Variants in RSU1 observed in about 807,000 individuals in gnomAD.
RSU1 encodes Ras suppressor protein 1.
A neutral mutation model predicts 31.1 loss-of-function variants in RSU1; 26 were observed. The ratio of observed to expected loss-of-function variants is 0.84; its 90% CI spans 0.61 to 1.16. RSU1 has a LOEUF of 1.16. Ranked by LOEUF, RSU1 falls within the 50% of genes most tolerant of loss-of-function variation. RSU1 has a pLI of 0.00. For synonymous variants in RSU1, 164 were observed against 136.3 expected (o/e 1.20, Z -1.41); for missense variants, 320 against 339.1 (o/e 0.94, Z 0.44).
chr10:16,638,945 C>A (rs187233830), intron 8 of RSU1, among the ~76,000 whole-genome samples: 1 of 152,300 alleles, frequency 6.6e-6, no homozygotes, highest in Admixed American at 6.5e-5. Flanking sequence ...CTTTGTAAAA[C>A]CCAGACTTGG....
intron 2 of RSU1, among the ~76,000 whole-genome samples, chr10:16,784,889 C>A (rs1239858898): frequency 6.6e-6 from 1 of 152,144 alleles, no homozygotes; most frequent in East Asian, 1.9e-4. Flanking sequence ...GGGACACAGC[C>A]AAACCATATC....
intron 7 of RSU1, among the ~76,000 whole-genome samples, chr10:16,741,727 A>C (rs1467032323): frequency 6.6e-6 from 1 of 152,192 alleles, no homozygotes; most frequent in Non-Finnish European, 1.5e-5. Context: ...TAATTTTCTA[A>C]GATCACCTTG....
At chr10:16,649,661 C>A (rs778450237) in intron 8 of RSU1, among the ~76,000 whole-genome samples, 2 of 152,074 alleles carry the variant, frequency 1.3e-5, no homozygotes, top group Admixed American at 6.6e-5. Context: ...AGGGGGCACA[C>A]GGCACAACAG....
chr10:16,772,112 G>T (rs17156926), intron 3 of RSU1, among the ~76,000 whole-genome samples: 2 of 152,038 alleles, frequency 1.3e-5, no homozygotes, highest in Admixed American at 6.5e-5. Context: ...TTAACTCACC[G>T]CAAAACAATG....
intron 3 of RSU1, among the ~76,000 whole-genome samples, chr10:16,772,403 G>T (rs1837439070): frequency 6.6e-6 from 1 of 152,062 alleles, no homozygotes; most frequent in Non-Finnish European, 1.5e-5. Context: ...CTGAAATCTT[G>T]CAGGAACACC....
rs533253230 is a variant in RSU1, at chr10:16,628,234, A to G, written c.732-34738T>C. ...AACATGATCCTAGAAGTTAGGGTGG[A>G]TAGTTTTGAACATTCTTGCAACACT... On this transcript the variant is annotated intron_variant, in intron 8 of 8. Coordinates refer to ENST00000345264, the MANE Select transcript of RSU1 (RefSeq NM_012425.4). Among the ~76,000 whole-genome samples, 6 of 152,352 alleles carry G rather than the reference A, an allele frequency of 3.9e-5. No homozygotes were observed. In the South Asian group the frequency reaches 6.2e-4, roughly 16 times the overall value.
At chr10:16,735,005 AATC>A (rs1412572953) in intron 7 of RSU1, among the ~76,000 whole-genome samples, 4 of 152,164 alleles carry the variant, frequency 2.6e-5, no homozygotes, top group Non-Finnish European at 5.9e-5. Context: ...GTCTAGAAAA[AATC>A]ATTCCCTTAA....
chr10:16,767,578 T>C (rs1196866447), intron 3 of RSU1, among the ~76,000 whole-genome samples: 5 of 152,182 alleles, frequency 3.3e-5, no homozygotes, highest in African/African-American at 1.2e-4. Context: ...AATACACAGC[T>C]AATAGTCTCC....
Position 16,593,413 on chromosome 10 carries a change from A to G in RSU1, c.815T>C (p.Leu272Pro). The G allele has an allele frequency of 2.5e-6, 4 of 1,614,112 alleles. No homozygotes were observed. The highest frequency in any genetic ancestry group is 3.4e-6 in the Non-Finnish European group (4 of 1,180,008). ...DKSKKISRKP[L>P]AAKNR ...CCTTCCTTATCTGTTCTTGGCTGCC[A>G]GGGGTTTCCGGCTGATCTTTTTCGA... Residue 272 changes from leucine to proline, a missense_variant, in exon 9 of 9, where the codon CTG becomes CCG. Coordinates refer to ENST00000345264, the MANE Select transcript of RSU1 (RefSeq NM_012425.4).
intron 8 of RSU1, among the ~76,000 whole-genome samples, chr10:16,597,726 C>T (rs570839664): frequency 5.1e-4 from 77 of 152,294 alleles, no homozygotes; most frequent in African/African-American, 1.8e-3. Flanking sequence ...TGCAAAATAA[C>T]AGGGTATTTT....
At chr10:16,658,306 A>G (rs1834827315) in intron 8 of RSU1, among the ~76,000 whole-genome samples, 1 of 152,230 alleles carries the variant, frequency 6.6e-6, no homozygotes, top group South Asian at 2.1e-4. Flanking sequence ...ATGAAGATAA[A>G]CAAAACTGGT....
intron 7 of RSU1, chr10:16,723,137 G>A (rs989270836): frequency 6.6e-6 from 1 of 151,882 alleles, no homozygotes; most frequent in Non-Finnish European, 1.5e-5. Context: ...TGAGCTGGGA[G>A]AGCAAAGTCC....
intron 7 of RSU1, among the ~76,000 whole-genome samples, chr10:16,717,846 G>A (rs907086547): frequency 2.0e-5 from 3 of 152,034 alleles, no homozygotes; most frequent in East Asian, 1.9e-4. Flanking sequence ...CAAAAAAAAC[G>A]CATTACTATA....
chr10:16,739,244 A>C (rs914039189), intron 7 of RSU1, among the ~76,000 whole-genome samples: 1 of 151,986 alleles, frequency 6.6e-6, no homozygotes, highest in Non-Finnish European at 1.5e-5. Context: ...GGATTGCTGG[A>C]TCAAATGGTA....
chr10:16,697,327 T>C (rs1459360105), intron 7 of RSU1, among the ~76,000 whole-genome samples: 1 of 152,102 alleles, frequency 6.6e-6, no homozygotes, highest in East Asian at 1.9e-4. Flanking sequence ...ATGAATCAAC[T>C]ATGAAAAAAA....
At chr10:16,621,990 C>T (rs1405223587) in intron 8 of RSU1, among the ~76,000 whole-genome samples, 1 of 152,166 alleles carries the variant, frequency 6.6e-6, no homozygotes, top group African/African-American at 2.4e-5. Flanking sequence ...TATAACAATA[C>T]AGGTGCCTTG....
At chr10:16,719,848 C>T (rs2131588675) in intron 7 of RSU1, among the ~76,000 whole-genome samples, 1 of 152,332 alleles carries the variant, frequency 6.6e-6, no homozygotes, top group South Asian at 2.1e-4. Context: ...AAAATGTTTG[C>T]CTTAAATGAA....
intron 3 of RSU1, among the ~76,000 whole-genome samples, chr10:16,767,914 A>G (rs1444037746): frequency 6.6e-6 from 1 of 152,246 alleles, no homozygotes; most frequent in African/African-American, 2.4e-5. Context: ...GAATTGTGCT[A>G]TGACTAAATC....
intron 7 of RSU1, among the ~76,000 whole-genome samples, chr10:16,736,448 C>T (rs1389916276): frequency 6.6e-6 from 1 of 151,954 alleles, no homozygotes; most frequent in Non-Finnish European, 1.5e-5. Context: ...TAATCTAGCC[C>T]AGGAGTAAAG....
Sources: allele counts gnomAD v4.1 joint callset (sites outside exome capture counted in the v4.1 genomes callset), GRCh38; gene constraint gnomAD v4.1.1; transcripts MANE v1.5; gene names NCBI Gene and HGNC (gene_info 2026-07-23, HGNC 2026-07-21).